Variants in MYO1B observed in about 807,000 individuals in gnomAD.
MYO1B encodes the protein myosin IB.
MYO1B carries 72 observed loss-of-function variants against 159.7 expected under a neutral mutation model. That is an observed-to-expected ratio of 0.45 (90% CI 0.37 to 0.55). The LOEUF (loss-of-function observed/expected upper bound fraction) is 0.55, where lower values mean the gene tolerates loss of function less well. Ranked by LOEUF, MYO1B falls within the 20% of genes least tolerant of loss-of-function variation. MYO1B has a pLI of 0.00. For missense variants in MYO1B, 1,062 were observed against 1,364.8 expected (o/e 0.78, Z 3.50); for synonymous variants, 468 against 473.8 (o/e 0.99, Z 0.16).
intron 4 of MYO1B, among the ~76,000 whole-genome samples, chr2:191,334,311 C>CACT (rs1287200994): frequency 6.6e-6 from 1 of 152,080 alleles, no homozygotes; most frequent in African/African-American, 2.4e-5. Flanking sequence ...GAGTTCTTAA[C>CACT]ACTACTACTT....
intron 1 of MYO1B, among the ~76,000 whole-genome samples, chr2:191,269,403 T>C (rs1414284676): frequency 6.6e-6 from 1 of 152,238 alleles, no homozygotes; most frequent in Non-Finnish European, 1.5e-5. Context: ...CATCCATTGA[T>C]GGACACTTGG....
At chr2:191,247,898 G>A in intron 1 of MYO1B, 1 of 980,960 alleles carries the variant, frequency 1.0e-6, no homozygotes, top group Non-Finnish European at 1.2e-6. Context: ...TTCCCAGGAT[G>A]AATCATCACT....
intron 1 of MYO1B, among the ~76,000 whole-genome samples, chr2:191,259,590 C>T (rs1686672148): frequency 6.6e-6 from 1 of 152,146 alleles, no homozygotes; most frequent in South Asian, 2.1e-4. Flanking sequence ...CCTTCTGCCA[C>T]TTTGCTGTTG....
intron 1 of MYO1B, among the ~76,000 whole-genome samples, chr2:191,257,637 G>A (rs1355478446): frequency 1.3e-5 from 2 of 152,168 alleles, no homozygotes; most frequent in African/African-American, 2.4e-5. Flanking sequence ...TTTATCTACA[G>A]GAATTTATTC....
chr2:191,331,921 A>T (rs1225974735), intron 4 of MYO1B, among the ~76,000 whole-genome samples: 3 of 152,236 alleles, frequency 2.0e-5, no homozygotes, highest in Non-Finnish European at 4.4e-5. Context: ...ACCAAAAAAT[A>T]AACAGAATAC....
chr2:191,365,798 C>G (rs1693971122), intron 11 of MYO1B, among the ~76,000 whole-genome samples: 3 of 152,182 alleles, frequency 2.0e-5, no homozygotes, highest in African/African-American at 7.2e-5. Context: ...AAGGATTAAT[C>G]AAGCTTGGCT....
In MYO1B at chr2:191,341,409, G is replaced by T. The variant is rs1461716990; in HGVS notation, c.347-52G>T. 4.6e-6 allele frequency: 7 copies of T among 1,521,988 alleles called. No individual in the cohort carries two copies. The East Asian group carries it at 9.2e-5, about 20-fold the overall frequency. The allele number at this position is 1,521,988 out of a possible 1,614,324, so 94.3% of individuals were successfully genotyped here. ...TCCCACATTTCCTCCTCCCCAAAAA[G>T]ATTTTTTAAATTTCTGTGTTATTGA... On this transcript the variant is annotated intron_variant, in intron 4 of 30. Transcript: ENST00000392318.
At chr2:191,289,745 A>G (rs942701857) in intron 2 of MYO1B, among the ~76,000 whole-genome samples, 12 of 152,360 alleles carry the variant, frequency 7.9e-5, no homozygotes, top group African/African-American at 2.6e-4. Flanking sequence ...TTTATGGTGT[A>G]GTTATACATT....
rs966503645 is a variant in MYO1B at position 191,330,120 on chromosome 2, C to T, written c.346+91C>T. The T allele has an allele frequency of 1.4e-5, 15 of 1,072,536 alleles. No homozygotes were observed. The African/African-American group carries it at 2.4e-4, about 17-fold the overall frequency. 66.4% of individuals were successfully genotyped at this position (1,072,536 alleles called of 1,614,324 possible). On this transcript the variant is annotated intron_variant, in intron 4 of 30. Transcript: ENST00000392318. ...ACCAGTAGGGCCTCCTTAGCAAGAT[C>T]TGTCGCAGGGCCACTGTGAGGGTGC...
At chr2:191,417,799 G>A (rs1157391835) in intron 30 of MYO1B, among the ~76,000 whole-genome samples, 1 of 152,192 alleles carries the variant, frequency 6.6e-6, no homozygotes. Context: ...ATCTTGTTGT[G>A]ATTCTCCTGA....
chr2:191,301,263 G>A (rs1689311481), intron 3 of MYO1B, among the ~76,000 whole-genome samples: 1 of 106,956 alleles, frequency 9.3e-6, no homozygotes, highest in African/African-American at 2.8e-5. Context: ...TTCCAGGGAG[G>A]ACATTTCAGA....
intron 2 of MYO1B, among the ~76,000 whole-genome samples, chr2:191,281,709 A>G (rs763467609): frequency 5.9e-5 from 9 of 152,186 alleles, no homozygotes; most frequent in Non-Finnish European, 1.0e-4. Context: ...CAGGAAAGCT[A>G]CAATTTAGGC....
At chr2:191,247,591 C>T (rs1685865506) in intron 1 of MYO1B, among the ~76,000 whole-genome samples, 1 of 152,176 alleles carries the variant, frequency 6.6e-6, no homozygotes, top group Non-Finnish European at 1.5e-5. Flanking sequence ...TAACACACTG[C>T]CTGGCAAAAC....
intron 3 of MYO1B, among the ~76,000 whole-genome samples, chr2:191,297,016 C>T (rs1319448881): frequency 6.6e-6 from 1 of 152,148 alleles, no homozygotes; most frequent in Non-Finnish European, 1.5e-5. Context: ...AGAGAGAATA[C>T]CCAGAAATTA....
At chr2:191,394,036 A>G (rs1695921488) in intron 20 of MYO1B, among the ~76,000 whole-genome samples, 2 of 152,248 alleles carry the variant, frequency 1.3e-5, no homozygotes, top group African/African-American at 4.8e-5. Context: ...ACGCTGACCT[A>G]TTCTCACATA....
chr2:191,365,569 C>T (rs553326196), intron 11 of MYO1B, among the ~76,000 whole-genome samples: 21 of 152,296 alleles, frequency 1.4e-4, no homozygotes, highest in African/African-American at 4.8e-4. Context: ...GTCATCCTCA[C>T]TAATTCACAG....
chr2:191,321,792 T>G (rs1055039304), intron 3 of MYO1B, among the ~76,000 whole-genome samples: 4 of 152,164 alleles, frequency 2.6e-5, no homozygotes, highest in Admixed American at 2.0e-4. Context: ...GTTTATTACC[T>G]TCTCCTACCC....
At chr2:191,409,939 A>G (rs964895382) in intron 26 of MYO1B, among the ~76,000 whole-genome samples, 1 of 152,210 alleles carries the variant, frequency 6.6e-6, no homozygotes, top group African/African-American at 2.4e-5. Context: ...CTCAGTACAC[A>G]CATCCTCCAG....
chr2:191,265,646 G>T (rs556749259), intron 1 of MYO1B, among the ~76,000 whole-genome samples: 2 of 152,082 alleles, frequency 1.3e-5, no homozygotes, highest in Non-Finnish European at 2.9e-5. Context: ...TAGGGGTTCC[G>T]GGGTCTCAGG....
Sources: allele counts gnomAD v4.1 joint callset (sites outside exome capture counted in the v4.1 genomes callset), GRCh38; gene constraint gnomAD v4.1.1; transcripts MANE v1.5; gene names NCBI Gene and HGNC (gene_info 2026-07-23, HGNC 2026-07-21).